Variants in KCNJ6 observed in about 807,000 individuals in gnomAD.
KCNJ6 encodes G protein-activated inward rectifier potassium channel 2.
Under a neutral mutation model 34.2 loss-of-function variants are expected in KCNJ6, and 9 were observed. The ratio of observed to expected loss-of-function variants is 0.26; its 90% CI spans 0.16 to 0.46. KCNJ6 has a LOEUF of 0.46. KCNJ6 is among the 20% of genes least tolerant of loss of function. KCNJ6 has a pLI of 1.00. For synonymous variants in KCNJ6, 196 were observed against 207.1 expected, an observed-to-expected ratio of 0.95 and a Z score of 0.46; for missense variants, 236 against 531.3, an observed-to-expected ratio of 0.44 and a Z score of 5.46.
At chr21:37,834,749 C>A (rs2123571782) in intron 2 of KCNJ6, among the ~76,000 whole-genome samples, 1 of 152,348 alleles carries the variant, frequency 6.6e-6, no homozygotes, top group East Asian at 1.9e-4. Context: ...TGAGCTGTTT[C>A]TTTAGTCATA....
intron 3 of KCNJ6, among the ~76,000 whole-genome samples, chr21:37,668,776 G>C (rs1320382844): frequency 2.6e-5 from 4 of 152,152 alleles, no homozygotes. Flanking sequence ...GAAGGAGAAG[G>C]ATCCTTTTTG....
chr21:37,887,704 C>A (rs956792083), intron 1 of KCNJ6, among the ~76,000 whole-genome samples: 2 of 152,124 alleles, frequency 1.3e-5, no homozygotes, highest in Non-Finnish European at 2.9e-5. Context: ...TGTGAAGGGG[C>A]AAATTTTACA....
intron 2 of KCNJ6, among the ~76,000 whole-genome samples, chr21:37,731,640 A>G (rs1040828094): frequency 3.7e-4 from 56 of 152,304 alleles, no homozygotes; most frequent in African/African-American, 1.3e-3. Context: ...CTCTAAGTCT[A>G]GGGTACTTTT....
At chr21:37,770,291 C>T (rs571943519) in intron 2 of KCNJ6, among the ~76,000 whole-genome samples, 3 of 152,136 alleles carry the variant, frequency 2.0e-5, no homozygotes, top group South Asian at 4.2e-4. Flanking sequence ...CAAGTCACAG[C>T]GGGCTCCAAA....
intron 2 of KCNJ6, among the ~76,000 whole-genome samples, chr21:37,786,653 T>C (rs1446047541): frequency 2.0e-5 from 3 of 152,222 alleles, no homozygotes; most frequent in Non-Finnish European, 2.9e-5. Flanking sequence ...GGCCACCTGT[T>C]GTTCTAGCAT....
chr21:37,827,011 T>C (rs1384648729), intron 2 of KCNJ6, among the ~76,000 whole-genome samples: 1 of 152,122 alleles, frequency 6.6e-6, no homozygotes, highest in East Asian at 1.9e-4. Flanking sequence ...GAAAATAATT[T>C]TGGGAAGGAG....
chr21:37,832,125 T>A (rs948243913), intron 2 of KCNJ6, among the ~76,000 whole-genome samples: 1 of 151,038 alleles, frequency 6.6e-6, no homozygotes, highest in Non-Finnish European at 1.5e-5. Flanking sequence ...CACAGCCATG[T>A]CTTAAAATAT....
Position 37,877,053 on chromosome 21 carries a change from C to T in KCNJ6, c.-27-36344G>A, listed in dbSNP as rs141993121. Among the ~76,000 whole-genome samples, 596 of 152,208 alleles carry T rather than the reference C, an allele frequency of 3.9e-3. 2 individuals carry two copies. Among genetic ancestry groups the T allele is most frequent in the Non-Finnish European group, 6.4e-3 (436 of 68,020 alleles). On this transcript the variant is annotated intron_variant, in intron 1 of 3. Coordinates refer to ENST00000609713, the MANE Select transcript of KCNJ6 (RefSeq NM_002240.5). ...AAGTGCCCTGCCCTTGAGTTGATGT[C>T]GAATGGTTTTACAAGTTTTTTGTAC...
Position 37,624,839 on chromosome 21 carries a change from A to G in KCNJ6, c.*320T>C. On this transcript the variant is annotated 3_prime_UTR_variant, in exon 4 of 4. Transcript: ENST00000609713. Reference sequence around the variant, plus strand: ...AATCTTTGACACACCTTTTTGAGTGATCTGGTATTGTACAACACATGCAGG... The same window carrying G: ...AATCTTTGACACACCTTTTTGAGTGGTCTGGTATTGTACAACACATGCAGG... 1 of 313,780 alleles carries G rather than the reference A, an allele frequency of 3.2e-6. No homozygotes were observed. The highest frequency in any genetic ancestry group is 5.9e-6 in the Non-Finnish European group (1 of 170,344). The allele number at this position is 313,780 out of a possible 1,614,324, so 19.4% of individuals were successfully genotyped here.
intron 1 of KCNJ6, among the ~76,000 whole-genome samples, chr21:37,841,952 A>G (rs1325970591): frequency 6.6e-6 from 1 of 152,228 alleles, no homozygotes; most frequent in Non-Finnish European, 1.5e-5. Context: ...TTGGTCAAAA[A>G]GTCTAAATAC....
chr21:37,856,779 TG>T (rs1379116030), intron 1 of KCNJ6, among the ~76,000 whole-genome samples: 1 of 152,116 alleles, frequency 6.6e-6, no homozygotes, highest in African/African-American at 2.4e-5. Flanking sequence ...ATCAGTATGG[TG>T]AGTGTAAACT....
At chr21:37,676,012 C>T (rs962669649) in intron 3 of KCNJ6, among the ~76,000 whole-genome samples, 5 of 152,240 alleles carry the variant, frequency 3.3e-5, no homozygotes, top group African/African-American at 1.2e-4. Flanking sequence ...ATGCAGAACC[C>T]AGACCTCCTG....
chr21:37,672,433 G>A (rs2054546266), intron 3 of KCNJ6, among the ~76,000 whole-genome samples: 1 of 152,014 alleles, frequency 6.6e-6, no homozygotes. Context: ...AAAAGGAGCT[G>A]GGTCTGGGGG....
intron 3 of KCNJ6, among the ~76,000 whole-genome samples, chr21:37,678,257 G>A (rs944886995): frequency 6.6e-6 from 1 of 152,208 alleles, no homozygotes; most frequent in African/African-American, 2.4e-5. Flanking sequence ...AGTGAAGATG[G>A]GGACATGAGA....
At chr21:37,738,493 C>A (rs2054924322) in intron 2 of KCNJ6, among the ~76,000 whole-genome samples, 1 of 152,178 alleles carries the variant, frequency 6.6e-6, no homozygotes, top group African/African-American at 2.4e-5. Context: ...ATCACATCTG[C>A]TCTTTTTTAG....
intron 2 of KCNJ6, among the ~76,000 whole-genome samples, chr21:37,799,383 C>A (rs771018972): frequency 6.6e-6 from 1 of 152,226 alleles, no homozygotes; most frequent in East Asian, 1.9e-4. Context: ...GGATGAAAGG[C>A]GGGAAGGCTG....
chr21:37,885,524 T>C (rs2055731105), intron 1 of KCNJ6, among the ~76,000 whole-genome samples: 1 of 152,198 alleles, frequency 6.6e-6, no homozygotes, highest in Non-Finnish European at 1.5e-5. Flanking sequence ...CACTTCAAAG[T>C]GACCCCATTC....
intron 2 of KCNJ6, among the ~76,000 whole-genome samples, chr21:37,781,672 T>C (rs917502661): frequency 6.6e-6 from 1 of 152,188 alleles, no homozygotes; most frequent in Non-Finnish European, 1.5e-5. Flanking sequence ...TCTATCATTA[T>C]CCCATTCTAC....
rs1242730740 is a variant in KCNJ6 at position 37,625,383 on chromosome 21, C to T, written c.1048G>A (p.Asp350Asn). The change falls in exon 4 of 4, where the codon GAC becomes AAC. Residue 350 changes from aspartate (D) to asparagine (N), a missense_variant. Asp to Asn is a conservative substitution (Grantham distance 23). Around this residue, in one of 5 missense-constraint regions of KCNJ6, gnomAD observed 60 missense variants for 207.3 expected, o/e 0.29. Coordinates refer to ENST00000609713, the MANE Select transcript of KCNJ6 (RefSeq NM_002240.5). ...LTLEDGFYEV[D>N]YNSFHETYET... ...TAGGTCTCATGGAAGCTGTTGTAGT[C>T]AACTTCGTAGAACCCGTCCTCCAGG... The T allele has an allele frequency of 6.2e-7, 1 of 1,614,094 alleles. No homozygotes were observed. The highest frequency in any genetic ancestry group is 8.5e-7 in the Non-Finnish European group (1 of 1,180,022).
Sources: allele counts gnomAD v4.1 joint callset (sites outside exome capture counted in the v4.1 genomes callset), GRCh38; gene constraint gnomAD v4.1.1; regional missense constraint gnomAD v4.1.1; transcripts MANE v1.5; gene names NCBI Gene and HGNC (gene_info 2026-07-23, HGNC 2026-07-21).